KDM6A: variants seen among roughly 807,000 people sequenced by gnomAD.
KDM6A encodes the protein lysine-specific demethylase 6A.
In KDM6A, 11 loss-of-function variants were observed where a neutral mutation model predicts 117.6. The ratio of observed to expected loss-of-function variants is 0.09; its 90% CI spans 0.06 to 0.15. The LOEUF is 0.15. Ranked by LOEUF, KDM6A falls within the 10% of genes least tolerant of loss-of-function variation. KDM6A has a pLI of 1.00. For synonymous variants in KDM6A, 384 were observed against 396.1 expected (o/e 0.97, Z 0.36); for missense variants, 799 against 1,077.3 (o/e 0.74, Z 3.62).
At chrX:45,049,817 G>A (rs1306159046) in intron 8 of KDM6A, among the ~76,000 whole-genome samples, 2 of 112,128 alleles carry the variant, frequency 1.8e-5, no homozygotes, top group East Asian at 5.6e-4. Context: ...GTATTATAAT[G>A]TTATCATACA....
chrX:45,003,397 T>C (rs1310046179), intron 4 of KDM6A, among the ~76,000 whole-genome samples: 1 of 77,610 alleles, frequency 1.3e-5, no homozygotes, highest in Non-Finnish European at 2.2e-5. Flanking sequence ...TATCCTTCTT[T>C]TTTTTTTTTT....
chrX:44,899,004 G>GGGGTGTGTGTGTGT (rs754650272), intron 2 of KDM6A, among the ~76,000 whole-genome samples: 2 of 79,641 alleles, frequency 2.5e-5, no homozygotes, highest in African/African-American at 6.3e-5. Flanking sequence ...GGAGAGGGAG[G>GGGGTGTGTGTGTGT]GTGTGTGTGT....
chrX:45,082,917 G>A, intron 23 of KDM6A, 128 bp downstream of exon 23: 3 of 500,098 alleles, frequency 6.0e-6, no homozygotes, highest in South Asian at 6.6e-5. Context: ...ATGAATTTAA[G>A]CTAAACTTTT....
intron 8 of KDM6A, 110 bp downstream of exon 8, chrX:45,037,799 G>A (rs946575762): frequency 2.1e-5 from 13 of 607,919 alleles, no homozygotes; most frequent in African/African-American, 4.5e-5. Context: ...AGTTCTGGGC[G>A]TTACTTCTTA....
At chrX:45,031,979 C>T (rs2042618773) in intron 6 of KDM6A, among the ~76,000 whole-genome samples, 1 of 110,546 alleles carries the variant, frequency 9.0e-6, no homozygotes, top group Admixed American at 9.7e-5. Flanking sequence ...ATGAATCAAA[C>T]TTTGCGTTAA....
At chrX:45,100,518 G>T (rs935693863) in intron 27 of KDM6A, among the ~76,000 whole-genome samples, 1 of 111,689 alleles carries the variant, frequency 9.0e-6, no homozygotes, top group Non-Finnish European at 1.9e-5. Flanking sequence ...AGAATGCCAA[G>T]GAGTGCATTT....
At chrX:44,900,675 G>A (rs772983916) in intron 2 of KDM6A, among the ~76,000 whole-genome samples, 8 of 111,485 alleles carry the variant, frequency 7.2e-5, no homozygotes, top group African/African-American at 2.6e-4. Flanking sequence ...GAGGCGGGCG[G>A]ATCATGAGGT....
chrX:44,904,877 A>T (rs183039430), intron 2 of KDM6A, among the ~76,000 whole-genome samples: 2 of 112,225 alleles, frequency 1.8e-5, no homozygotes, highest in East Asian at 5.6e-4. Flanking sequence ...ATTTTTCTTC[A>T]CTAAACGCTT....
chrX:45,052,702 T>A (rs2043906891), intron 9 of KDM6A, among the ~76,000 whole-genome samples: 1 of 111,704 alleles, frequency 9.0e-6, no homozygotes, highest in South Asian at 3.7e-4. Flanking sequence ...ATAGTTTGTT[T>A]GCTTATTTAT....
chrX:45,058,923 T>C, intron 10 of KDM6A, 83 bp from the exon 11 acceptor site: 1 of 865,222 alleles, frequency 1.2e-6, no homozygotes, highest in Non-Finnish European at 1.7e-6. Flanking sequence ...CTGTGATATA[T>C]AGTCCATCCT....
At position 45,027,138 on chromosome X, in the gene KDM6A, G is replaced by GAC. The variant is rs749994241; in HGVS notation, c.564+6423_564+6424dup. The stretch of plus-strand genomic sequence containing the variant: ...ATCTTGGGCAACATAGTGAGAGAGA[G>GAC]ACACACACACACACACGTTTGTTAG... On this transcript the variant is annotated intron_variant, in intron 6 of 29. Coordinates refer to ENST00000611820, the MANE Select transcript of KDM6A (RefSeq NM_001291415.2). Among the ~76,000 whole-genome samples the GAC allele has an allele frequency of 5.8e-3, 622 of 106,747 alleles. 6 individuals carry two copies. Among genetic ancestry groups the GAC allele is most frequent in the African/African-American group, 0.019 (567 of 29,093 alleles). The allele number at this position is 106,747 out of a possible 115,157, so 92.7% of individuals were successfully genotyped here. A position where few individuals can be genotyped will look rare whatever the true frequency, so the allele number is the denominator to read the frequency against.
At chrX:44,881,090 CT>C (rs1569334183) in intron 2 of KDM6A, among the ~76,000 whole-genome samples, 1 of 112,299 alleles carries the variant, frequency 8.9e-6, no homozygotes, top group African/African-American at 3.2e-5. Context: ...TCATTGCTGA[CT>C]TTATTTTGAG....
intron 3 of KDM6A, among the ~76,000 whole-genome samples, chrX:44,974,135 C>A (rs768131556): frequency 9.0e-6 from 1 of 111,204 alleles, no homozygotes; most frequent in Non-Finnish European, 1.9e-5. Context: ...CATGGGATTG[C>A]GGATCTCTGA....
At chrX:44,956,315 A>G (rs912592091) in intron 2 of KDM6A, among the ~76,000 whole-genome samples, 4 of 111,771 alleles carry the variant, frequency 3.6e-5, no homozygotes, top group African/African-American at 1.3e-4. Context: ...TGCTGTTGAT[A>G]TGTATAATAT....
At chrX:44,997,918 T>C (rs755554820) in intron 4 of KDM6A, among the ~76,000 whole-genome samples, 5 of 112,252 alleles carry the variant, frequency 4.5e-5, no homozygotes, top group African/African-American at 1.3e-4. Flanking sequence ...TATAAGGTTG[T>C]ATTTTATTCA....
intron 4 of KDM6A, among the ~76,000 whole-genome samples, chrX:44,985,804 G>A (rs1169692442): frequency 1.8e-5 from 2 of 111,548 alleles, no homozygotes; most frequent in Non-Finnish European, 3.8e-5. Context: ...TGCTGGATTC[G>A]GTTTGTCCGT....
chrX:45,006,939 A>G (rs1279264592), intron 4 of KDM6A, among the ~76,000 whole-genome samples: 2 of 110,769 alleles, frequency 1.8e-5, no homozygotes, highest in Non-Finnish European at 3.8e-5. Context: ...CAAAAAAAAA[A>G]AGATCCTGAG....
intron 2 of KDM6A, among the ~76,000 whole-genome samples, chrX:44,935,432 A>C (rs988526596): frequency 1.8e-5 from 2 of 111,203 alleles, no homozygotes; most frequent in African/African-American, 6.5e-5. Context: ...CAACAATACA[A>C]ATTGTGAATT....
In KDM6A at chrX:45,008,578, A is replaced by G. The variant is rs143489502; in HGVS notation, c.385-2383A>G. Reference sequence around the variant, plus strand: ...AAATGACTCTGGATTAACTATTACCACTTTTACCACATTCTGAATATCCAT... The same window carrying G: ...AAATGACTCTGGATTAACTATTACCGCTTTTACCACATTCTGAATATCCAT... On this transcript the variant is annotated intron_variant, in intron 4 of 29. Coordinates refer to ENST00000611820, the MANE Select transcript of KDM6A (RefSeq NM_001291415.2). Among the ~76,000 whole-genome samples the G allele has an allele frequency of 1.1e-3, 124 of 108,968 alleles. 1 individual carries two copies. The East Asian group carries it at 0.035, about 31-fold the overall frequency. 94.6% of individuals were successfully genotyped at this position (108,968 alleles called of 115,157 possible). A position where few individuals can be genotyped will look rare whatever the true frequency, so the allele number is the denominator to read the frequency against.
Sources: gnomAD v4.1 joint callset for allele counts (sites outside exome capture counted in the v4.1 genomes callset) on GRCh38, gnomAD v4.1.1 for gene constraint, MANE v1.5 for transcripts, NCBI Gene and HGNC (gene_info 2026-07-23, HGNC 2026-07-21) for gene names.